RSRC1: variants seen among roughly 807,000 people sequenced by gnomAD.
The protein encoded by RSRC1 is arginine and serine rich coiled-coil 1.
In RSRC1, 39 loss-of-function variants were observed where a neutral mutation model predicts 49.1. The observed-to-expected ratio is 0.79, with a 90% CI of 0.61 to 1.04. The LOEUF is 1.04. Ranked by LOEUF, RSRC1 falls within the 50% of genes least tolerant of loss-of-function variation. The pLI is 0.00. For missense variants in RSRC1, 388 were observed against 402.4 expected, an observed-to-expected ratio of 0.96 and a Z score of 0.31; for synonymous variants, 143 against 130.8, an observed-to-expected ratio of 1.09 and a Z score of -0.63.
intron 5 of RSRC1, among the ~76,000 whole-genome samples, chr3:158,346,142 C>A (rs888907531): frequency 6.6e-6 from 1 of 152,012 alleles, no homozygotes; most frequent in Non-Finnish European, 1.5e-5. Flanking sequence ...ACCATAAAAG[C>A]CTGATTCCTA....
chr3:158,113,398 C>T (rs1230586262), intron 1 of RSRC1, among the ~76,000 whole-genome samples: 3 of 143,342 alleles, frequency 2.1e-5, no homozygotes, highest in Non-Finnish European at 4.5e-5. Flanking sequence ...AGACGGGAGT[C>T]TCACTCTGTC....
rs1372488787 is a variant in RSRC1, at chr3:158,242,203, A to G, written c.494+38958A>G. On this transcript the variant is annotated intron_variant, in intron 4 of 9. Coordinates refer to ENST00000611884, the MANE Select transcript of RSRC1 (RefSeq NM_001271838.2). ...TCTTCCTGATGCTGTTTCTCCTGCCACCTCCCATCCTCTACCAGGCCCCAG... is the reference window on the plus strand; with the variant it reads ...TCTTCCTGATGCTGTTTCTCCTGCCGCCTCCCATCCTCTACCAGGCCCCAG... Among the ~76,000 whole-genome samples the G allele has an allele frequency of 2.0e-5, 3 of 151,208 alleles. 1 individual carries two copies. Among genetic ancestry groups the G allele is most frequent in the Middle Eastern group, 6.4e-3 (2 of 314 alleles).
At chr3:158,486,820 G>A (rs1738833829) in intron 7 of RSRC1, among the ~76,000 whole-genome samples, 1 of 152,058 alleles carries the variant, frequency 6.6e-6, no homozygotes, top group Non-Finnish European at 1.5e-5. Context: ...ACTTCCTCAA[G>A]GTCCTACAGC....
At chr3:158,522,665 C>A (rs1400955093) in intron 7 of RSRC1, among the ~76,000 whole-genome samples, 1 of 152,122 alleles carries the variant, frequency 6.6e-6, no homozygotes, top group Non-Finnish European at 1.5e-5. Flanking sequence ...TATATTACTT[C>A]TTAAATAATG....
rs573653290 is a variant in RSRC1, at chr3:158,147,880, A to G, written c.320+23889A>G. On this transcript the variant is annotated intron_variant, in intron 3 of 9. Coordinates refer to ENST00000611884, the MANE Select transcript of RSRC1 (RefSeq NM_001271838.2). ...CTTCTCAAATTATCTGTGGTAAAGG[A>G]CTTTTTTTAAACTCTATATTTTCAA... is the stretch of plus-strand genomic sequence containing the variant. Among the ~76,000 whole-genome samples, 41 of 152,282 alleles carry G rather than the reference A, an allele frequency of 2.7e-4. No individual in the cohort carries two copies. In the South Asian group the frequency reaches 8.3e-3, roughly 31 times the overall value.
chr3:158,430,549 T>A (rs1374094621), intron 6 of RSRC1, among the ~76,000 whole-genome samples: 1 of 151,896 alleles, frequency 6.6e-6, no homozygotes, highest in Non-Finnish European at 1.5e-5. Context: ...ATTGGAACCA[T>A]CTAAGAGAAA....
Position 158,352,489 on chromosome 3 carries a change from C to A in RSRC1, c.532-2368C>A, listed in dbSNP as rs186355018. Among the ~76,000 whole-genome samples the A allele has an allele frequency of 3.3e-5, 5 of 152,054 alleles. No homozygotes were observed. In the East Asian group the frequency reaches 9.7e-4, roughly 29 times the overall value. On this transcript the variant is annotated intron_variant, in intron 5 of 9. Coordinates refer to ENST00000611884, the MANE Select transcript of RSRC1 (RefSeq NM_001271838.2). ...AATATTTCTTAATTGTTAAAAAAAT[C>A]TTTCCTTATGAAATACAAAAAAAAA...
At chr3:158,155,645 G>C (rs564925092) in intron 3 of RSRC1, among the ~76,000 whole-genome samples, 4 of 136,118 alleles carry the variant, frequency 2.9e-5, no homozygotes, top group African/African-American at 1.1e-4. Flanking sequence ...GTTTCACCAT[G>C]TTGCCCAAGC....
chr3:158,460,124 G>T (rs1737537508), intron 6 of RSRC1, among the ~76,000 whole-genome samples: 1 of 151,852 alleles, frequency 6.6e-6, no homozygotes, highest in African/African-American at 2.4e-5. Flanking sequence ...TTTTGACAAG[G>T]CAATACTTTT....
At chr3:158,532,554 CA>C in intron 7 of RSRC1, among the ~76,000 whole-genome samples, 1 of 151,900 alleles carries the variant, frequency 6.6e-6, no homozygotes, top group African/African-American at 2.4e-5. Context: ...ATACTATAAA[CA>C]TCAACAGTAA....
intron 3 of RSRC1, among the ~76,000 whole-genome samples, chr3:158,182,552 T>C (rs573711532): frequency 1.3e-5 from 2 of 152,280 alleles, no homozygotes; most frequent in Non-Finnish European, 2.9e-5. Context: ...GGCCCAAACA[T>C]AGTACTTATT....
intron 6 of RSRC1, among the ~76,000 whole-genome samples, chr3:158,368,777 A>G (rs1731912561): frequency 6.6e-6 from 1 of 152,192 alleles, no homozygotes; most frequent in Admixed American, 6.5e-5. Context: ...GTTTAGAATT[A>G]ATTACCCTTT....
chr3:158,419,484 G>C (rs1412123262), intron 6 of RSRC1, among the ~76,000 whole-genome samples: 1 of 151,942 alleles, frequency 6.6e-6, no homozygotes, highest in Non-Finnish European at 1.5e-5. Flanking sequence ...TTGAGAGAGT[G>C]CCCTGAGTTG....
chr3:158,506,230 A>G (rs1739854182), intron 7 of RSRC1, among the ~76,000 whole-genome samples: 1 of 152,178 alleles, frequency 6.6e-6, no homozygotes, highest in South Asian at 2.1e-4. Context: ...CAAAATATGT[A>G]AGGAACTCAA....
At chr3:158,409,262 A>G (rs1032199616) in intron 6 of RSRC1, among the ~76,000 whole-genome samples, 1 of 152,048 alleles carries the variant, frequency 6.6e-6, no homozygotes, top group Non-Finnish European at 1.5e-5. Context: ...TAACAAACCT[A>G]CACACATACC....
At position 158,376,798 on chromosome 3, in the gene RSRC1, T is replaced by C. The variant is rs138729776; in HGVS notation, c.583+21890T>C. Among the ~76,000 whole-genome samples, 4 of 152,230 alleles carry C rather than the reference T, an allele frequency of 2.6e-5. No homozygotes were observed. In the South Asian group the frequency reaches 6.2e-4, roughly 24 times the overall value. On this transcript the variant is annotated intron_variant, in intron 6 of 9. Transcript: ENST00000611884. ...GTTTAAATACAATCAGCACCTATTATTCCATATTGGTTGGACGGGGAAGTT... is the reference window on the plus strand; with the variant it reads ...GTTTAAATACAATCAGCACCTATTACTCCATATTGGTTGGACGGGGAAGTT...
At chr3:158,302,266 A>G (rs1029024853) in intron 5 of RSRC1, among the ~76,000 whole-genome samples, 1 of 152,102 alleles carries the variant, frequency 6.6e-6, no homozygotes, top group Non-Finnish European at 1.5e-5. Flanking sequence ...TCACGTGTGC[A>G]TAGGTTTCTC....
intron 4 of RSRC1, among the ~76,000 whole-genome samples, chr3:158,245,029 T>C (rs924216291): frequency 2.0e-5 from 3 of 149,656 alleles, no homozygotes; most frequent in Admixed American, 6.7e-5. Flanking sequence ...TCTGTCTCTG[T>C]CTCCTTCAGT....
intron 3 of RSRC1, among the ~76,000 whole-genome samples, chr3:158,148,243 A>C (rs928878076): frequency 9.9e-5 from 15 of 152,134 alleles, no homozygotes; most frequent in African/African-American, 3.4e-4. Flanking sequence ...CTATTGGTAA[A>C]CATGTATCAA....
Sources: allele counts gnomAD v4.1 joint callset (sites outside exome capture counted in the v4.1 genomes callset), GRCh38; gene constraint gnomAD v4.1.1; transcripts MANE v1.5; gene names NCBI Gene and HGNC (gene_info 2026-07-23, HGNC 2026-07-21).